ERBIN: variants seen among roughly 807,000 people sequenced by gnomAD.
The protein encoded by ERBIN is erbb2 interacting protein.
ERBIN carries 60 observed loss-of-function variants against 158.4 expected under a neutral mutation model. The observed-to-expected ratio is 0.38, with a 90% CI of 0.31 to 0.47. The LOEUF is 0.47. Ranked by LOEUF, ERBIN falls within the 20% of genes least tolerant of loss-of-function variation. The pLI is 0.99. For synonymous variants in ERBIN, 594 were observed against 557.2 expected, an observed-to-expected ratio of 1.07 and a Z score of -0.93; for missense variants, 1,610 against 1,648.0, an observed-to-expected ratio of 0.98 and a Z score of 0.40.
intron 1 of ERBIN, among the ~76,000 whole-genome samples, chr5:65,963,729 A>G (rs916754610): frequency 3.3e-5 from 5 of 152,020 alleles, no homozygotes; most frequent in African/African-American, 4.8e-5. Flanking sequence ...AAATTTTAAT[A>G]TAGACAAATT....
At chr5:65,948,362 A>G (rs1156545787) in intron 1 of ERBIN, among the ~76,000 whole-genome samples, 1 of 151,134 alleles carries the variant, frequency 6.6e-6, no homozygotes, top group African/African-American at 2.4e-5. Context: ...TTTTAAGTAG[A>G]GATAAGGTCT....
chr5:65,950,531 A>G (rs1746374744), intron 1 of ERBIN, among the ~76,000 whole-genome samples: 1 of 152,194 alleles, frequency 6.6e-6, no homozygotes, highest in Non-Finnish European at 1.5e-5. Flanking sequence ...ATTACCAGTG[A>G]TTTGAACTTT....
intron 21 of ERBIN, among the ~76,000 whole-genome samples, chr5:66,065,590 CCTGTGTGTGTG>C (rs1760891541): frequency 9.1e-6 from 1 of 109,486 alleles, no homozygotes; most frequent in African/African-American, 3.2e-5. Flanking sequence ...TTAATTTTGA[CCTGTGTGTGTG>C]TGTGTGTGTG....
intron 18 of ERBIN, among the ~76,000 whole-genome samples, 174 bp from the exon 19 acceptor site, chr5:66,048,493 A>T (rs575388817): frequency 1.3e-5 from 2 of 152,176 alleles, no homozygotes; most frequent in African/African-American, 4.8e-5. Flanking sequence ...GGATAGAGGT[A>T]CAAATTGTAC....
chr5:66,066,120 T>C (rs1477929604), intron 21 of ERBIN, among the ~76,000 whole-genome samples: 1 of 152,194 alleles, frequency 6.6e-6, no homozygotes, highest in African/African-American at 2.4e-5. Flanking sequence ...TTTATTTATA[T>C]AACAACTTTG....
chr5:66,054,495 C>T lies in ERBIN; in HGVS notation c.3177C>T (p.Ile1059=), dbSNP rs758702565. Residue 1059 remains isoleucine, a synonymous_variant, in exon 21 of 26, where the codon ATC becomes ATT. Transcript: ENST00000284037. ...GPARHGEMWA[I]SPNDRLIPAV... ...CAAGACATGGGGAAATGTGGGCCAT[C>T]TCACCAAACGACCGACTTATTCCTG... 1.7e-5 allele frequency: 28 copies of T among 1,614,064 alleles called. No homozygotes were observed. The highest frequency in any genetic ancestry group is 2.4e-5 in the Non-Finnish European group (28 of 1,180,024).
At chr5:65,989,788 A>G (rs1458455091) in intron 2 of ERBIN, among the ~76,000 whole-genome samples, 1 of 152,242 alleles carries the variant, frequency 6.6e-6, no homozygotes, top group Non-Finnish European at 1.5e-5. Flanking sequence ...TACTAAGTGT[A>G]AATAGCCACA....
chr5:65,989,977 G>A (rs1241403066), intron 2 of ERBIN, among the ~76,000 whole-genome samples: 1 of 152,090 alleles, frequency 6.6e-6, no homozygotes, highest in Non-Finnish European at 1.5e-5. Context: ...ATTCTCTTCT[G>A]GCGATTAAAA....
At chr5:65,984,041 A>G (rs552906911) in intron 1 of ERBIN, among the ~76,000 whole-genome samples, 106 of 151,230 alleles carry the variant, frequency 7.0e-4, no homozygotes, top group Non-Finnish European at 1.1e-3. Context: ...CTCTACCCCA[A>G]GAGGAGGTAT....
At chr5:65,943,687 C>T (rs1040909342) in intron 1 of ERBIN, among the ~76,000 whole-genome samples, 2 of 152,102 alleles carry the variant, frequency 1.3e-5, no homozygotes, top group Non-Finnish European at 2.9e-5. Flanking sequence ...TTCTTCTGAA[C>T]TTTTTTGTTG....
intron 1 of ERBIN, among the ~76,000 whole-genome samples, chr5:65,927,268 C>A (rs565703260): frequency 3.3e-5 from 5 of 152,178 alleles, no homozygotes; most frequent in African/African-American, 9.6e-5. Context: ...TTGGCGCTTG[C>A]GTTAATTGTA....
rs1253084781 is a variant in ERBIN at position 65,994,754 on chromosome 5, T to C, written c.197T>C (p.Phe66Ser). 1 of 1,586,308 alleles carries C rather than the reference T, an allele frequency of 6.3e-7. No homozygotes were observed. ...NQIEELPKQL[F>S]NCQSLHKLSL... ...CCTCCCTTTTTTCAATAGCAACTTT[T>C]TAACTGTCAGTCTTTACACAAACTG... is the stretch of plus-strand genomic sequence containing the variant. Residue 66 changes from phenylalanine (F) to serine (S), a missense_variant, in exon 4 of 26, where the codon TTT becomes TCT. Physicochemically the swap from Phe to Ser is radical, Grantham distance 155. This residue lies in a region of ERBIN where 596 missense variants were observed against 711.9 expected (regional missense o/e 0.84). Transcript: ENST00000284037.
At chr5:65,966,143 T>C (rs1440189729) in intron 1 of ERBIN, among the ~76,000 whole-genome samples, 1 of 152,214 alleles carries the variant, frequency 6.6e-6, no homozygotes, top group African/African-American at 2.4e-5. Flanking sequence ...TTTCATAACA[T>C]TATAATGAAG....
chr5:65,948,479 GT>G (rs1304704840), intron 1 of ERBIN, among the ~76,000 whole-genome samples: 3 of 151,726 alleles, frequency 2.0e-5, no homozygotes, highest in Admixed American at 6.6e-5. Context: ...CATCCAGCTG[GT>G]TTTTTTTCTA....
intron 1 of ERBIN, among the ~76,000 whole-genome samples, chr5:65,977,823 T>G (rs1175131511): frequency 6.6e-6 from 1 of 152,062 alleles, no homozygotes; most frequent in Non-Finnish European, 1.5e-5. Context: ...AGGTGGAGGT[T>G]GTAGCGAGCC....
chr5:65,946,493 C>T (rs115543600), intron 1 of ERBIN, among the ~76,000 whole-genome samples: 135 of 152,258 alleles, frequency 8.9e-4, no homozygotes, highest in African/African-American at 3.2e-3. Context: ...TTGAGTAGTA[C>T]TCCATGGCAT....
At position 66,023,343 on chromosome 5, in the gene ERBIN, T is replaced by C. The variant is rs761807059; in HGVS notation, c.651T>C (p.Asn217=). The C allele has an allele frequency of 4.9e-5, 79 of 1,612,006 alleles. No individual in the cohort carries two copies. Among genetic ancestry groups the C allele is most frequent in the Non-Finnish European group, 6.5e-5 (77 of 1,178,724 alleles). The change falls in exon 9 of 26, where the codon AAT becomes AAC. Residue 217 remains asparagine, a synonymous_variant. Transcript: ENST00000284037. ...SGLKEFWMDA[N]RLTFIPGFIG... ...TGAAAGAGTTTTGGATGGATGCTAA[T>C]AGACTGACTTTTATTCCAGGGGTAT... is the stretch of plus-strand genomic sequence containing the variant.
rs138227361 is a variant in ERBIN at position 66,038,488 on chromosome 5, A to C, written c.1306+6A>C. The C allele has an allele frequency of 6.3e-7, 1 of 1,577,074 alleles. No individual in the cohort carries two copies. Among genetic ancestry groups the C allele is most frequent in the South Asian group, 1.1e-5 (1 of 87,118 alleles). ...ACAGCCAAGGACTGAGGATGGTAGG[A>C]ATTTCATAATCGATTTTCTTGTTAA... On this transcript the variant is annotated splice_donor_region_variant and intron_variant, in intron 15 of 25. Coordinates refer to ENST00000284037, the MANE Select transcript of ERBIN (RefSeq NM_001253697.2).
At chr5:66,016,825 G>C (rs1168977225) in intron 7 of ERBIN, among the ~76,000 whole-genome samples, 1 of 152,056 alleles carries the variant, frequency 6.6e-6, no homozygotes, top group Non-Finnish European at 1.5e-5. Context: ...GTGTTGGTCA[G>C]ACTGGTCTCG....
Sources: allele counts gnomAD v4.1 joint callset (sites outside exome capture counted in the v4.1 genomes callset), GRCh38; gene constraint gnomAD v4.1.1; regional missense constraint gnomAD v4.1.1; transcripts MANE v1.5; gene names NCBI Gene and HGNC (gene_info 2026-07-23, HGNC 2026-07-21).